The following SPOCK3 variants were observed in gnomAD, a reference collection of about 807,000 sequenced individuals.
SPOCK3 encodes SPARC (osteonectin), cwcv and kazal like domains proteoglycan 3.
Under a neutral mutation model 56.6 loss-of-function variants are expected in SPOCK3, and 30 were observed. The ratio of observed to expected loss-of-function variants is 0.53; its 90% CI spans 0.40 to 0.72. The LOEUF (loss-of-function observed/expected upper bound fraction) is 0.72. Among genes scored for constraint, SPOCK3 ranks in the 30% least tolerant of loss-of-function variants. SPOCK3 has a pLI of 0.00. For missense variants in SPOCK3, 527 were observed against 530.0 expected (o/e 0.99, Z 0.06); for synonymous variants, 196 against 183.3 (o/e 1.07, Z -0.56).
chr4:167,217,355 G>T (rs963125926), intron 2 of SPOCK3, among the ~76,000 whole-genome samples: 4 of 150,380 alleles, frequency 2.7e-5, no homozygotes, highest in African/African-American at 9.8e-5. Context: ...ATGTACAGAT[G>T]TTTTTTTTTG....
chr4:166,899,890 T>G (rs996657176), intron 5 of SPOCK3, among the ~76,000 whole-genome samples: 1 of 152,206 alleles, frequency 6.6e-6, no homozygotes, highest in Non-Finnish European at 1.5e-5. Flanking sequence ...GAAAAACTGC[T>G]ATCTCTTTGA....
At chr4:167,021,733 G>T (rs1023436622) in intron 3 of SPOCK3, among the ~76,000 whole-genome samples, 1 of 151,880 alleles carries the variant, frequency 6.6e-6, no homozygotes, top group African/African-American at 2.4e-5. Context: ...AAGGTCAAAC[G>T]GCCACCACCA....
intron 6 of SPOCK3, among the ~76,000 whole-genome samples, chr4:166,842,252 T>G (rs1560919509): frequency 6.6e-6 from 1 of 152,248 alleles, no homozygotes; most frequent in African/African-American, 2.4e-5. Flanking sequence ...TTGCTTTTGC[T>G]GGCTCTGGCA....
chr4:166,872,498 A>T (rs1415196340), intron 6 of SPOCK3, among the ~76,000 whole-genome samples: 1 of 152,138 alleles, frequency 6.6e-6, no homozygotes, highest in African/African-American at 2.4e-5. Flanking sequence ...CTGTACATGG[A>T]TGTTTATAAG....
At chr4:166,851,538 C>G (rs1295831996) in intron 6 of SPOCK3, among the ~76,000 whole-genome samples, 1 of 152,174 alleles carries the variant, frequency 6.6e-6, no homozygotes, top group Non-Finnish European at 1.5e-5. Context: ...GGAGGAAATT[C>G]AAACCAAAGG....
chr4:166,735,087 A>G lies in SPOCK3; in HGVS notation c.1136T>C (p.Ile379Thr), dbSNP rs1201770492. 8 of 1,594,858 alleles carry G rather than the reference A, an allele frequency of 5.0e-6. No homozygotes were observed. Among genetic ancestry groups the G allele is most frequent in the Non-Finnish European group, 6.8e-6 (8 of 1,168,498 alleles). Reference protein sequence around the residue: ...SRINGVADCAIDFEISGDFAS... With the variant: ...SRINGVADCATDFEISGDFAS... ...AAAATCTCCGGAGATCTCAAAATCT[A>G]TAGCTTAAAACAAGTGAAAGTAAAC... Residue 379 changes from isoleucine (I) to threonine (T), a missense_variant, in exon 11 of 11, where the codon ATA becomes ACA. Ile to Thr is a moderately conservative substitution (Grantham distance 89). Coordinates refer to ENST00000357545, the MANE Select transcript of SPOCK3 (RefSeq NM_001040159.2).
chr4:167,159,455 G>A (rs72699678), intron 2 of SPOCK3, among the ~76,000 whole-genome samples: 1,865 of 151,910 alleles, frequency 0.012, 15 homozygotes, highest in Non-Finnish European at 0.02. Context: ...CCTTCTCTTA[G>A]AAGACACAGA....
intron 4 of SPOCK3, among the ~76,000 whole-genome samples, chr4:166,985,679 C>T (rs1236587895): frequency 6.6e-6 from 1 of 151,952 alleles, no homozygotes; most frequent in Non-Finnish European, 1.5e-5. Context: ...CAGATGAACA[C>T]TAGTATTATA....
intron 7 of SPOCK3, among the ~76,000 whole-genome samples, chr4:166,783,773 A>G (rs1191249021): frequency 2.0e-5 from 3 of 152,100 alleles, no homozygotes; most frequent in Non-Finnish European, 2.9e-5. Context: ...GGTTTTAACT[A>G]TCACTTCTTG....
rs189575459 is a variant in SPOCK3 at position 166,916,369 on chromosome 4, T to C, written c.351-3626A>G. On this transcript the variant is annotated intron_variant, in intron 4 of 10. Coordinates refer to ENST00000357545, the MANE Select transcript of SPOCK3 (RefSeq NM_001040159.2). ...AGGCAGTTGAATCATATTATCTTCT[T>C]ACCACCTGAACTATTATCTTGTATT... Among the ~76,000 whole-genome samples the C allele has an allele frequency of 1.8e-3, 270 of 152,284 alleles. 1 individual carries two copies. Among genetic ancestry groups the C allele is most frequent in the Non-Finnish European group, 3.1e-3 (214 of 68,016 alleles).
chr4:166,967,506 A>T (rs563753867), intron 4 of SPOCK3, among the ~76,000 whole-genome samples: 1 of 152,016 alleles, frequency 6.6e-6, no homozygotes, highest in Non-Finnish European at 1.5e-5. Context: ...GGTTGTTTAA[A>T]AGTGTATAGC....
intron 2 of SPOCK3, among the ~76,000 whole-genome samples, chr4:167,117,334 T>C (rs1175262525): frequency 6.6e-6 from 1 of 152,098 alleles, no homozygotes; most frequent in Non-Finnish European, 1.5e-5. Context: ...TCACAAAATG[T>C]GTTCTGACCT....
At chr4:167,210,718 C>T (rs1203762114) in intron 2 of SPOCK3, among the ~76,000 whole-genome samples, 1 of 151,974 alleles carries the variant, frequency 6.6e-6, no homozygotes, top group African/African-American at 2.4e-5. Context: ...CATAATAATC[C>T]TCTCATTTCC....
intron 7 of SPOCK3, among the ~76,000 whole-genome samples, chr4:166,778,853 T>C (rs1446484109): frequency 1.3e-5 from 2 of 151,810 alleles, no homozygotes; most frequent in Non-Finnish European, 2.9e-5. Flanking sequence ...AAGTTGGGGG[T>C]AGGCAGAGTT....
chr4:167,178,385 G>C (rs1731164187), intron 2 of SPOCK3, among the ~76,000 whole-genome samples: 1 of 152,016 alleles, frequency 6.6e-6, no homozygotes, highest in Non-Finnish European at 1.5e-5. Flanking sequence ...TATACATTGA[G>C]CATTACCCCA....
chr4:166,973,895 A>C (rs2150078758), intron 4 of SPOCK3, among the ~76,000 whole-genome samples: 1 of 152,290 alleles, frequency 6.6e-6, no homozygotes, highest in South Asian at 2.1e-4. Context: ...ACATAAATAT[A>C]TATACACATT....
rs183991516 is a variant in SPOCK3, at chr4:167,039,366, G to C, written c.235+23126C>G. On this transcript the variant is annotated intron_variant, in intron 3 of 10. Coordinates refer to ENST00000357545, the MANE Select transcript of SPOCK3 (RefSeq NM_001040159.2). ...TAAGACTTATGTGTATCTTCTGCGG[G>C]GACATAACTCCATCCACAACACTGA... 2.1e-3 allele frequency among the ~76,000 whole-genome samples: 322 copies of C among 152,094 alleles called. 1 individual carries two copies. Among genetic ancestry groups the C allele is most frequent in the African/African-American group, 7.5e-3 (312 of 41,472 alleles).
chr4:167,116,397 A>G (rs905758788), intron 2 of SPOCK3, among the ~76,000 whole-genome samples: 2 of 147,916 alleles, frequency 1.4e-5, no homozygotes, highest in Non-Finnish European at 3.0e-5. Context: ...ACTTTTGTAA[A>G]TATATATACA....
intron 2 of SPOCK3, among the ~76,000 whole-genome samples, chr4:167,162,719 C>T (rs1765422675): frequency 6.6e-6 from 1 of 152,004 alleles, no homozygotes; most frequent in African/African-American, 2.4e-5. Flanking sequence ...TTCTGCCTCC[C>T]CTATCATGGC....
Sources: allele counts gnomAD v4.1 joint callset (sites outside exome capture counted in the v4.1 genomes callset), GRCh38; gene constraint gnomAD v4.1.1; transcripts MANE v1.5; gene names NCBI Gene and HGNC (gene_info 2026-07-23, HGNC 2026-07-21).